ARL13A: variants seen among roughly 807,000 people sequenced by gnomAD.
ARL13A encodes the protein ADP-ribosylation factor-like protein 13A.
In ARL13A, 16 loss-of-function variants were observed where a neutral mutation model predicts 19.1. That is an observed-to-expected ratio of 0.84 (90% CI 0.57 to 1.27). The LOEUF (loss-of-function observed/expected upper bound fraction) is 1.27, where lower values mean the gene tolerates loss of function less well. ARL13A is among the 50% of genes most tolerant of loss of function. The probability of loss-of-function intolerance (pLI) is 0.00; values close to 1 mark genes in which losing one functional copy is unlikely to be tolerated. For synonymous variants in ARL13A, 69 were observed against 71.3 expected, an observed-to-expected ratio of 0.97 and a Z score of 0.17; for missense variants, 153 against 186.4, an observed-to-expected ratio of 0.82 and a Z score of 1.04.
rs1482502330 is a variant in ARL13A at position 100,972,304 on chromosome X, G to A, written c.-14-1372G>A. The stretch of plus-strand genomic sequence containing the variant: ...GGGCTCCTCACTTCCCAGTAGGGGG[G>A]GCCGGGCAGAGGCGCCCCTCACCTC... On this transcript the variant is annotated intron_variant, in intron 1 of 7. Coordinates refer to ENST00000450049, the MANE Select transcript of ARL13A (RefSeq NM_001162491.2). Among the ~76,000 whole-genome samples the A allele has an allele frequency of 5.9e-3, 609 of 102,429 alleles. 1 individual carries two copies. The highest frequency in any genetic ancestry group is 0.01 in the Middle Eastern group (2 of 191). 88.9% of individuals were successfully genotyped at this position (102,429 alleles called of 115,157 possible). A position where few individuals can be genotyped will look rare whatever the true frequency, so the allele number is the denominator to read the frequency against.
chrX:100,990,727 T>C lies in ARL13A; in HGVS notation c.*139T>C. On this transcript the variant is annotated 3_prime_UTR_variant, in exon 8 of 8. Transcript: ENST00000450049. Reference sequence around the variant, plus strand: ...TAAGTCATGGGTGATCAACCAAAACTGAGCCTTAGAAATACAGGGTTCATT... The same window carrying C: ...TAAGTCATGGGTGATCAACCAAAACCGAGCCTTAGAAATACAGGGTTCATT... 1.7e-6 allele frequency: 1 copy of C among 583,058 alleles called. No individual in the cohort carries two copies. The highest frequency in any genetic ancestry group is 2.7e-6 in the Non-Finnish European group (1 of 375,286). The allele number at this position is 583,058 out of a possible 1,213,427, so 48.1% of individuals were successfully genotyped here. A position where few individuals can be genotyped will look rare whatever the true frequency, so the allele number is the denominator to read the frequency against.
chrX:100,970,899 A>G (rs1030884048), intron 1 of ARL13A, among the ~76,000 whole-genome samples: 1 of 112,348 alleles, frequency 8.9e-6, no homozygotes, highest in Non-Finnish European at 1.9e-5. Context: ...CCACTTTGCA[A>G]AACAGTCTGG....
intron 1 of ARL13A, among the ~76,000 whole-genome samples, chrX:100,973,337 C>T (rs1370917791): frequency 3.1e-5 from 3 of 96,155 alleles, no homozygotes; most frequent in East Asian, 3.5e-4. Flanking sequence ...GCTGCAATCT[C>T]GGTACTTTGG....
At chrX:100,974,239 T>C (rs763787366) in intron 3 of ARL13A, 42 bp downstream of exon 3, 14 of 996,545 alleles carry the variant, frequency 1.4e-5, no homozygotes, top group South Asian at 2.1e-5. Flanking sequence ...GGGTCTCCCA[T>C]GGACCCCAGA....
At chrX:100,989,016 A>C (rs2085982024) in intron 7 of ARL13A, among the ~76,000 whole-genome samples, 1 of 109,274 alleles carries the variant, frequency 9.2e-6, no homozygotes, top group South Asian at 3.9e-4. Flanking sequence ...AATAAGTAAA[A>C]GTAGGAAACA....
chrX:100,973,779 T>G, intron 2 of ARL13A, 31 bp downstream of exon 2: 1 of 1,169,267 alleles, frequency 8.6e-7, no homozygotes, highest in Non-Finnish European at 1.2e-6. Flanking sequence ...CTAGGCCTAT[T>G]CCACTATTTC....
chrX:100,970,248 T>C (rs1169103625), intron 1 of ARL13A, among the ~76,000 whole-genome samples: 1 of 112,649 alleles, frequency 8.9e-6, no homozygotes, highest in Admixed American at 9.4e-5. Flanking sequence ...AAGTTTCTTT[T>C]TTGTCTGGCA....
chrX:100,971,718 C>CTTTTTTTTTTTTT (rs777239339), intron 1 of ARL13A, among the ~76,000 whole-genome samples: 1 of 14,577 alleles, frequency 6.9e-5, no homozygotes, highest in Non-Finnish European at 1.0e-4. Context: ...CTTTCATTTT[C>CTTTTTTTTTTTTT]TTTTTTTTTT....
chrX:100,985,920 A>G lies in ARL13A; in HGVS notation c.380+4A>G, dbSNP rs777384969. The G allele has an allele frequency of 2.5e-6, 3 of 1,201,542 alleles. No homozygotes were observed. The Admixed American group carries it at 6.6e-5, about 27-fold the overall frequency. ...TGGCAGGGAAACCCATCTTAATGTA[A>G]GATTCTGCCTTTCTGTCCTATTTCT... On this transcript the variant is annotated splice_donor_region_variant and intron_variant, in intron 4 of 7. Transcript: ENST00000450049.
chrX:100,979,451 C>A (rs1258507738), intron 3 of ARL13A, among the ~76,000 whole-genome samples: 1 of 111,770 alleles, frequency 8.9e-6, no homozygotes, highest in Non-Finnish European at 1.9e-5. Context: ...GTATATCATG[C>A]CACTCTCTTA....
intron 3 of ARL13A, among the ~76,000 whole-genome samples, chrX:100,978,584 T>C (rs534877050): frequency 9.0e-6 from 1 of 111,374 alleles, no homozygotes; most frequent in African/African-American, 3.3e-5. Context: ...ATATGTGTCT[T>C]TATAGATGAA....
rs1227162953 is a variant in ARL13A at position 100,990,659 on chromosome X, T to A, written c.*71T>A. 1 of 1,005,374 alleles carries A rather than the reference T, an allele frequency of 9.9e-7. No homozygotes were observed. Among genetic ancestry groups the A allele is most frequent in the Non-Finnish European group, 1.4e-6 (1 of 728,944 alleles). 82.9% of individuals were successfully genotyped at this position (1,005,374 alleles called of 1,213,427 possible). A position where few individuals can be genotyped will look rare whatever the true frequency, so the allele number is the denominator to read the frequency against. The stretch of plus-strand genomic sequence containing the variant: ...CCTTGGTAAAAAAGAACAGAGACTT[T>A]ACATCTTTGTACCGAGATGCTGCTG... On this transcript the variant is annotated 3_prime_UTR_variant, in exon 8 of 8. Transcript: ENST00000450049.
At position 100,988,291 on chromosome X, in the gene ARL13A, G is replaced by T. The variant is rs1352787420; in HGVS notation, c.744+8G>T. The stretch of plus-strand genomic sequence containing the variant: ...CTAAAGTCAATCCTACAGGTAAATG[G>T]CCCTTTAAATGTTAATATTCAGTGA... On this transcript the variant is annotated splice_region_variant and intron_variant, in intron 7 of 7. Transcript: ENST00000450049. 2 of 1,206,266 alleles carry T rather than the reference G, an allele frequency of 1.7e-6. No homozygotes were observed. Among genetic ancestry groups the T allele is most frequent in the South Asian group, 3.6e-5 (2 of 56,022 alleles).
chrX:100,977,691 ACTC>A (rs1325216949), intron 3 of ARL13A, among the ~76,000 whole-genome samples: 1 of 110,563 alleles, frequency 9.0e-6, no homozygotes, highest in Non-Finnish European at 1.9e-5. Flanking sequence ...GTGTCCTTCT[ACTC>A]TTTATCTCCA....
At chrX:100,980,846 ACTGGGTTCC>A (rs1427708469) in intron 3 of ARL13A, among the ~76,000 whole-genome samples, 3 of 111,555 alleles carry the variant, frequency 2.7e-5, no homozygotes, top group Non-Finnish European at 5.6e-5. Context: ...CTTTCAGGGC[ACTGGGTTCC>A]CTTCTGGCCC....
intron 4 of ARL13A, 122 bp from the exon 5 acceptor site, chrX:100,986,674 T>C: frequency 2.2e-6 from 1 of 447,247 alleles, no homozygotes. Context: ...ACCTAATTCC[T>C]GGATATGTAG....
chrX:100,988,073 C>T, intron 6 of ARL13A, 120 bp from the exon 7 acceptor site: 1 of 522,820 alleles, frequency 1.9e-6, no homozygotes, highest in Non-Finnish European at 3.2e-6. Context: ...CATCCTCTTG[C>T]TCTGTTGTCA....
Position 100,985,684 on chromosome X carries a change from G to A in ARL13A, c.148G>A (p.Asp50Asn). Residue 50 changes from aspartate to asparagine, a missense_variant, in exon 4 of 8, where the codon GAC (aspartate) becomes AAC (asparagine). Transcript: ENST00000450049. ...AFQKLLPSKT[D>N]HCMKSELTTL... ...ATGCACAGTACTTCCCAGTAAGACAGACCATTGCATGAAATCGGAACTGAC... is the reference window on the plus strand; with the variant it reads ...ATGCACAGTACTTCCCAGTAAGACAAACCATTGCATGAAATCGGAACTGAC... 2 of 1,210,033 alleles carry A rather than the reference G, an allele frequency of 1.7e-6. No individual in the cohort carries two copies. Among genetic ancestry groups the A allele is most frequent in the Non-Finnish European group, 2.2e-6 (2 of 894,781 alleles).
chrX:100,974,197 T>C lies in ARL13A; in HGVS notation c.130T>C (p.Leu44=). The change falls in exon 3 of 8, where the codon TTA becomes CTA. Residue 44 remains leucine, a splice_region_variant and synonymous_variant. Coordinates refer to ENST00000450049, the MANE Select transcript of ARL13A (RefSeq NM_001162491.2). ...TGTTCTTGTGGAGGCATTCCAAAAA[T>C]GTAAGGAACTAAGAGCATTAGATAC... is the stretch of plus-strand genomic sequence containing the variant. The part of the protein sequence containing the change: ...KTVLVEAFQK[L]LPSKTDHCMK... 3 of 1,176,973 alleles carry C rather than the reference T, an allele frequency of 2.5e-6. No individual in the cohort carries two copies. Among genetic ancestry groups the C allele is most frequent in the South Asian group, 1.9e-5 (1 of 53,467 alleles).
Sources: allele counts gnomAD v4.1 joint callset (sites outside exome capture counted in the v4.1 genomes callset), GRCh38; gene constraint gnomAD v4.1.1; transcripts MANE v1.5; gene names NCBI Gene and HGNC (gene_info 2026-07-23, HGNC 2026-07-21).